Variants in CTNNA3 observed in about 807,000 individuals in gnomAD.
The protein encoded by CTNNA3 is catenin alpha 3, also known as catenin alpha-3.
CTNNA3 carries 76 observed loss-of-function variants against 95.7 expected under a neutral mutation model. The observed-to-expected ratio is 0.79, with a 90% CI of 0.66 to 0.96. CTNNA3 has a LOEUF of 0.96. Among genes scored for constraint, CTNNA3 ranks in the 40% least tolerant of loss-of-function variants. CTNNA3 has a pLI of 0.00. For synonymous variants in CTNNA3, 431 were observed against 374.4 expected (o/e 1.15, Z -1.74); for missense variants, 1,191 against 1,089.8 (o/e 1.09, Z -1.31).
At chr10:67,038,943 T>A (rs949132631) in intron 7 of CTNNA3, among the ~76,000 whole-genome samples, 21 of 152,164 alleles carry the variant, frequency 1.4e-4, no homozygotes, top group African/African-American at 4.8e-4. Flanking sequence ...ATGTAAAAAA[T>A]AGTCTTTTGA....
intron 7 of CTNNA3, among the ~76,000 whole-genome samples, chr10:66,873,796 G>T (rs566129949): frequency 6.6e-6 from 1 of 152,054 alleles, no homozygotes; most frequent in Admixed American, 6.6e-5. Flanking sequence ...AAGACTTCAG[G>T]CTATTAAAAA....
intron 10 of CTNNA3, among the ~76,000 whole-genome samples, chr10:66,587,420 C>CAGGTAGGTA (rs1450085967): frequency 1.3e-5 from 2 of 152,010 alleles, no homozygotes; most frequent in Non-Finnish European, 2.9e-5. Flanking sequence ...TCCTGTGTCT[C>CAGGTAGGTA]AGGTAGGTAA....
At chr10:67,330,674 G>A (rs1012647863) in intron 5 of CTNNA3, among the ~76,000 whole-genome samples, 4 of 149,034 alleles carry the variant, frequency 2.7e-5, no homozygotes, top group Non-Finnish European at 4.5e-5. Flanking sequence ...AAAATAGAGA[G>A]GAACTGACTT....
At chr10:66,041,160 T>A (rs1247681796) in intron 15 of CTNNA3, among the ~76,000 whole-genome samples, 1 of 152,044 alleles carries the variant, frequency 6.6e-6, no homozygotes, top group Non-Finnish European at 1.5e-5. Context: ...ATAACTTCAA[T>A]CCAATAATGA....
At chr10:67,543,519 GA>G (rs1840745972) in intron 3 of CTNNA3, among the ~76,000 whole-genome samples, 5 of 151,714 alleles carry the variant, frequency 3.3e-5, no homozygotes, top group African/African-American at 1.2e-4. Flanking sequence ...AAAAGTCAAG[GA>G]AAACATAGTA....
At chr10:67,559,468 T>G (rs924624509) in intron 3 of CTNNA3, among the ~76,000 whole-genome samples, 2 of 151,978 alleles carry the variant, frequency 1.3e-5, no homozygotes, top group African/African-American at 4.8e-5. Flanking sequence ...AGAAAGGACA[T>G]CCACACCAAA....
At position 66,191,834 on chromosome 10, in the gene CTNNA3, A is replaced by T. The variant is rs138247468; in HGVS notation, c.1885-88585T>A. Among the ~76,000 whole-genome samples the T allele has an allele frequency of 3.7e-4, 57 of 152,286 alleles. No individual in the cohort carries two copies. The East Asian group carries it at 9.5e-3, about 25-fold the overall frequency. On this transcript the variant is annotated intron_variant, in intron 13 of 17. Coordinates refer to ENST00000433211, the MANE Select transcript of CTNNA3 (RefSeq NM_013266.4). ...TCATGTTTTGGAAAATTAATCCCCA[A>T]TGCAACAGTGTTGAGAGGTAGGACC...
intron 11 of CTNNA3, among the ~76,000 whole-genome samples, chr10:66,383,722 A>G (rs1171437744): frequency 6.6e-6 from 1 of 152,246 alleles, no homozygotes; most frequent in Non-Finnish European, 1.5e-5. Context: ...CACAAAGGGA[A>G]GCCCATCAGA....
chr10:66,099,036 T>C (rs1210635433), intron 14 of CTNNA3, among the ~76,000 whole-genome samples: 1 of 152,144 alleles, frequency 6.6e-6, no homozygotes, highest in Non-Finnish European at 1.5e-5. Context: ...CTAGTAGGAA[T>C]GAATACAGAA....
At chr10:65,967,139 G>A (rs2077987602) in intron 16 of CTNNA3, among the ~76,000 whole-genome samples, 1 of 151,304 alleles carries the variant, frequency 6.6e-6, no homozygotes, top group African/African-American at 2.4e-5. Flanking sequence ...TGTATTTTTA[G>A]TAGAGACAGG....
intron 7 of CTNNA3, among the ~76,000 whole-genome samples, chr10:66,983,592 C>T (rs1229957191): frequency 6.6e-6 from 1 of 152,020 alleles, no homozygotes; most frequent in Non-Finnish European, 1.5e-5. Flanking sequence ...TTATTTTGTA[C>T]AACATCAAAC....
chr10:66,768,074 C>T (rs7899588), intron 8 of CTNNA3, among the ~76,000 whole-genome samples: 78,438 of 151,888 alleles, frequency 0.52, 21,336 homozygotes, highest in East Asian at 0.73. Flanking sequence ...CGTAAGGTCA[C>T]GAATTTATTT....
At chr10:67,238,244 C>G (rs1269204981) in intron 5 of CTNNA3, among the ~76,000 whole-genome samples, 1 of 152,114 alleles carries the variant, frequency 6.6e-6, no homozygotes, top group Non-Finnish European at 1.5e-5. Context: ...GAAACACCAG[C>G]TCACAGTTGG....
In CTNNA3 at chr10:66,087,003, T is replaced by C. The variant is rs183633092; in HGVS notation, c.1977+16154A>G. Among the ~76,000 whole-genome samples, 15 of 152,246 alleles carry C rather than the reference T, an allele frequency of 9.9e-5. No homozygotes were observed. The East Asian group carries it at 2.7e-3, about 27-fold the overall frequency. Reference sequence around the variant, plus strand: ...TAAGCAAGATGGAAATTTGCATAGATAAATGGCATCAGCTGTACCTGGAAG... The same window carrying C: ...TAAGCAAGATGGAAATTTGCATAGACAAATGGCATCAGCTGTACCTGGAAG... On this transcript the variant is annotated intron_variant, in intron 14 of 17. Transcript: ENST00000433211.
chr10:67,695,492 T>C (rs961532579), intron 1 of CTNNA3, among the ~76,000 whole-genome samples: 1 of 152,204 alleles, frequency 6.6e-6, no homozygotes, highest in Non-Finnish European at 1.5e-5. Context: ...TTCCTCAACC[T>C]CTTAATATTC....
intron 13 of CTNNA3, among the ~76,000 whole-genome samples, chr10:66,199,749 G>A (rs1215291889): frequency 8.2e-6 from 1 of 122,304 alleles, no homozygotes; most frequent in African/African-American, 3.3e-5. Flanking sequence ...TTACAGGCGT[G>A]TGCCACCACG....
chr10:67,210,184 G>A (rs1864082295), intron 6 of CTNNA3, among the ~76,000 whole-genome samples: 1 of 152,018 alleles, frequency 6.6e-6, no homozygotes, highest in Non-Finnish European at 1.5e-5. Flanking sequence ...GCATGCACCT[G>A]TAGTCCCAGC....
chr10:67,624,550 T>C (rs552820903), intron 2 of CTNNA3, among the ~76,000 whole-genome samples: 17 of 152,326 alleles, frequency 1.1e-4, no homozygotes, highest in African/African-American at 2.9e-4. Flanking sequence ...TTGAAATAAA[T>C]TTTGTGTGTC....
chr10:67,097,425 T>G (rs1002606704), intron 7 of CTNNA3, among the ~76,000 whole-genome samples: 1 of 151,758 alleles, frequency 6.6e-6, no homozygotes, highest in African/African-American at 2.4e-5. Context: ...TCTCACCATA[T>G]AGGAATAGGG....
Sources: gnomAD v4.1 joint callset for allele counts (sites outside exome capture counted in the v4.1 genomes callset) on GRCh38, gnomAD v4.1.1 for gene constraint, MANE v1.5 for transcripts, NCBI Gene and HGNC (gene_info 2026-07-23, HGNC 2026-07-21) for gene names.